DTNB: variants seen among roughly 807,000 people sequenced by gnomAD.
DTNB encodes dystrobrevin beta, also known as DTN-B.
A neutral mutation model predicts 90.7 loss-of-function variants in DTNB; 63 were observed. The ratio of observed to expected loss-of-function variants is 0.69; its 90% CI spans 0.57 to 0.86. DTNB has a LOEUF of 0.86. DTNB is among the 40% of genes least tolerant of loss of function. The probability of loss-of-function intolerance (pLI) is 0.00; values close to 1 mark genes in which losing one functional copy is unlikely to be tolerated. For synonymous variants in DTNB, 277 were observed against 286.7 expected (o/e 0.97, Z 0.34); for missense variants, 744 against 807.1 (o/e 0.92, Z 0.95).
chr2:25,571,900 G>A (rs1013934453), intron 8 of DTNB, among the ~76,000 whole-genome samples: 4 of 151,926 alleles, frequency 2.6e-5, no homozygotes, highest in African/African-American at 4.8e-5. Flanking sequence ...CCCTCCTTGT[G>A]GCCAGATGGG....
At chr2:25,500,454 C>A (rs540998699) in intron 9 of DTNB, among the ~76,000 whole-genome samples, 1 of 152,268 alleles carries the variant, frequency 6.6e-6, no homozygotes, top group South Asian at 2.1e-4. Flanking sequence ...AGGCCAACTA[C>A]GCTGTTCAAT....
At chr2:25,563,288 T>C (rs2058529096) in intron 8 of DTNB, among the ~76,000 whole-genome samples, 1 of 152,196 alleles carries the variant, frequency 6.6e-6, no homozygotes, top group Non-Finnish European at 1.5e-5. Flanking sequence ...ATTTTAAAAC[T>C]GGGTTAGTTG....
At chr2:25,595,206 G>C (rs2064338436) in intron 6 of DTNB, 1 of 152,100 alleles carries the variant, frequency 6.6e-6, no homozygotes, top group Non-Finnish European at 1.5e-5. Context: ...GAGGCAGGCG[G>C]TATCAGTTTA....
intron 2 of DTNB, among the ~76,000 whole-genome samples, chr2:25,646,345 G>A (rs542637297): frequency 4.1e-4 from 63 of 152,056 alleles, no homozygotes; most frequent in African/African-American, 1.5e-3. Flanking sequence ...AGTGGCAGGC[G>A]CCTGTAATCC....
At chr2:25,437,454 G>T (rs1351718461) in intron 12 of DTNB, among the ~76,000 whole-genome samples, 1 of 151,996 alleles carries the variant, frequency 6.6e-6, no homozygotes, top group South Asian at 2.1e-4. Context: ...TAGGGACAGG[G>T]TTTCACCATG....
intron 12 of DTNB, among the ~76,000 whole-genome samples, chr2:25,442,879 G>C (rs1315635271): frequency 6.6e-6 from 1 of 152,178 alleles, no homozygotes; most frequent in Admixed American, 6.5e-5. Flanking sequence ...GTTGCTGTTA[G>C]AACCAGAGGT....
chr2:25,573,242 G>A (rs1289404328), intron 8 of DTNB, among the ~76,000 whole-genome samples: 3 of 152,136 alleles, frequency 2.0e-5, no homozygotes, highest in Admixed American at 1.3e-4. Context: ...CACCATGCCC[G>A]GCCCACTTGG....
At chr2:25,637,275 T>C (rs1396199820) in intron 3 of DTNB, among the ~76,000 whole-genome samples, 3 of 152,132 alleles carry the variant, frequency 2.0e-5, no homozygotes, top group Non-Finnish European at 4.4e-5. Flanking sequence ...ACCTAGGCAA[T>C]ACCATTCAGG....
intron 8 of DTNB, among the ~76,000 whole-genome samples, chr2:25,562,276 C>T (rs775977907): frequency 6.6e-6 from 1 of 152,170 alleles, no homozygotes; most frequent in Non-Finnish European, 1.5e-5. Flanking sequence ...ATTTCTTTTG[C>T]TTACCTAATA....
At chr2:25,441,004 A>T (rs541853993) in intron 12 of DTNB, among the ~76,000 whole-genome samples, 6 of 152,318 alleles carry the variant, frequency 3.9e-5, no homozygotes, top group African/African-American at 1.4e-4. Flanking sequence ...CCTCAAGGCA[A>T]ATAAACTGAT....
chr2:25,413,181 GTGTT>G (rs1054880348), intron 16 of DTNB, among the ~76,000 whole-genome samples: 24 of 151,764 alleles, frequency 1.6e-4, no homozygotes, highest in African/African-American at 5.6e-4. Context: ...AATCAGCTTG[GTGTT>G]TGTATTTTTT....
rs1231034739 is a variant in DTNB at position 25,566,743 on chromosome 2, G to A, written c.876+10095C>T. ...TGAGAGAATAAATAACCACCTGAAA[G>A]GGTTGCAGGGAAGTGGCGTTCTTCC... On this transcript the variant is annotated intron_variant, in intron 8 of 20. Coordinates refer to ENST00000406818, the MANE Select transcript of DTNB (RefSeq NM_021907.5). 2.0e-5 allele frequency among the ~76,000 whole-genome samples: 3 copies of A among 152,340 alleles called. No individual in the cohort carries two copies. In the East Asian group the frequency reaches 5.8e-4, roughly 29 times the overall value.
rs56815083 is a variant in DTNB, at chr2:25,420,262, C to CTTTT, written c.1555-731_1555-728dup. 2.3e-4 allele frequency among the ~76,000 whole-genome samples: 15 copies of CTTTT among 63,908 alleles called. 1 individual carries two copies. The highest frequency in any genetic ancestry group is 4.4e-4 in the Non-Finnish European group (13 of 29,714). 41.9% of individuals were successfully genotyped at this position (63,908 alleles called of 152,430 possible). A position where few individuals can be genotyped will look rare whatever the true frequency, so the allele number is the denominator to read the frequency against. On this transcript the variant is annotated intron_variant, in intron 15 of 20. Transcript: ENST00000406818. Reference sequence around the variant, plus strand: ...CCGTCTACTTGCTTTCAGGCACAGTCTTTTTTTTTTTTTTTTTTTTTTTTT... The same window carrying CTTTT: ...CCGTCTACTTGCTTTCAGGCACAGTCTTTTTTTTTTTTTTTTTTTTTTTTTTTTT...
At chr2:25,464,505 T>A (rs2061474730) in intron 10 of DTNB, among the ~76,000 whole-genome samples, 1 of 152,206 alleles carries the variant, frequency 6.6e-6, no homozygotes, top group South Asian at 2.1e-4. Context: ...TCCACACTGA[T>A]ATAAATAAAT....
chr2:25,643,722 G>T (rs1377738747), intron 2 of DTNB, among the ~76,000 whole-genome samples: 1 of 152,154 alleles, frequency 6.6e-6, no homozygotes, highest in Non-Finnish European at 1.5e-5. Context: ...GAAGCCATGG[G>T]TTTTGAGGGA....
intron 4 of DTNB, among the ~76,000 whole-genome samples, 192 bp downstream of exon 4, chr2:25,627,979 G>A (rs1162899046): frequency 6.6e-6 from 1 of 152,042 alleles, no homozygotes; most frequent in East Asian, 1.9e-4. Context: ...CTTGTGATTT[G>A]CCCTCCTTGG....
At chr2:25,631,425 T>C (rs987191299) in intron 3 of DTNB, among the ~76,000 whole-genome samples, 3 of 151,912 alleles carry the variant, frequency 2.0e-5, no homozygotes, top group African/African-American at 7.3e-5. Flanking sequence ...TTTTTTTAAT[T>C]AGCTAGGCAT....
intron 2 of DTNB, among the ~76,000 whole-genome samples, chr2:25,648,453 G>GT (rs1425849586): frequency 6.6e-6 from 1 of 152,008 alleles, no homozygotes; most frequent in Non-Finnish European, 1.5e-5. Flanking sequence ...AGTCATAATA[G>GT]TAAAGGTAAC....
At position 25,498,640 on chromosome 2, in the gene DTNB, G is replaced by A. The variant is rs1015147273; in HGVS notation, c.1002-15767C>T. Reference sequence around the variant, plus strand: ...GCGGGTGGACTGCTTGAGCCCAAGAGTTTGAGACCAGCCTGGGCAACATGG... The same window carrying A: ...GCGGGTGGACTGCTTGAGCCCAAGAATTTGAGACCAGCCTGGGCAACATGG... On this transcript the variant is annotated intron_variant, in intron 9 of 20. Transcript: ENST00000406818. 3.9e-5 allele frequency among the ~76,000 whole-genome samples: 6 copies of A among 152,108 alleles called. No homozygotes were observed. In the East Asian group the frequency reaches 1.2e-3, roughly 29 times the overall value.
Sources: gnomAD v4.1 joint callset for allele counts (sites outside exome capture counted in the v4.1 genomes callset) on GRCh38, gnomAD v4.1.1 for gene constraint, MANE v1.5 for transcripts, NCBI Gene and HGNC (gene_info 2026-07-23, HGNC 2026-07-21) for gene names.